Variants in TNC observed in about 807,000 individuals in gnomAD.
The protein encoded by TNC is tenascin C.
TNC carries 109 observed loss-of-function variants against 202.4 expected under a neutral mutation model. The observed-to-expected ratio is 0.54, with a 90% confidence interval of 0.46 to 0.63. TNC has a LOEUF of 0.63. TNC is among the 30% of genes least tolerant of loss of function. The pLI is 0.00. For synonymous variants in TNC, 1,007 were observed against 1,089.7 expected, an observed-to-expected ratio of 0.92 and a Z score of 1.50; for missense variants, 2,756 against 2,833.3, an observed-to-expected ratio of 0.97 and a Z score of 0.62.
In TNC at chr9:115,064,747, C is replaced by T. The variant is rs1310747230; in HGVS notation, c.3387G>A (p.Val1129=). ...TAGCAGCCTTGAGGCCCGGTATGTC[C>T]ACAGCCCGAAGGCTGCCAGGCACGG... ...NLTVPGSLRA[V]DIPGLKAATP... is the part of the protein sequence containing the mutation. The change falls in exon 11 of 28, where the codon GTG becomes GTA. Residue 1129 remains valine (V), a synonymous_variant. Transcript: ENST00000350763. 2 of 1,614,152 alleles carry T rather than the reference C, an allele frequency of 1.2e-6. No individual in the cohort carries two copies. Among genetic ancestry groups the T allele is most frequent in the African/African-American group, 1.3e-5 (1 of 75,024 alleles).
intron 1 of TNC, among the ~76,000 whole-genome samples, chr9:115,105,337 C>T (rs1263248333): frequency 6.6e-6 from 1 of 152,140 alleles, no homozygotes; most frequent in Non-Finnish European, 1.5e-5. Context: ...ACATTGATTG[C>T]ATATGTCGTC....
intron 9 of TNC, among the ~76,000 whole-genome samples, chr9:115,074,332 G>T (rs1833685234): frequency 6.6e-6 from 1 of 152,154 alleles, no homozygotes; most frequent in South Asian, 2.1e-4. Flanking sequence ...CCTTTGGGAG[G>T]CCTCATGAAT....
intron 2 of TNC, among the ~76,000 whole-genome samples, chr9:115,090,353 G>A (rs1835124270): frequency 6.6e-6 from 1 of 152,200 alleles, no homozygotes; most frequent in Non-Finnish European, 1.5e-5. Context: ...AAATTCCTCT[G>A]AGAAGCAGTT....
At chr9:115,111,399 CTTTTTT>C (rs71375272) in intron 1 of TNC, among the ~76,000 whole-genome samples, 38 of 71,362 alleles carry the variant, frequency 5.3e-4, no homozygotes, top group African/African-American at 1.1e-3. Flanking sequence ...CTCTCTCTCT[CTTTTTT>C]TTTTTTTTTT....
In TNC at chr9:115,040,977, C is replaced by G. The variant is rs1830686244; in HGVS notation, c.5356G>C (p.Glu1786Gln). Reference protein sequence around the residue: ...LVSIIAMKGFEESEPVSGSFT... With the variant: ...LVSIIAMKGFQESEPVSGSFT... ...GACCCTGAGACAGGTTCACTTTCCT[C>G]AAAGCCCTTCATGGCGATGATGCTG... Residue 1786 changes from glutamate to glutamine, a missense_variant, in exon 19 of 28, where the codon GAG becomes CAG. By Grantham distance (29) the Glu-to-Gln change is conservative. Around this residue, in one of 2 missense-constraint regions of TNC, gnomAD observed 2,559 missense variants for 2,546.0 expected, o/e 1.01. Transcript: ENST00000350763. 2 of 1,614,068 alleles carry G rather than the reference C, an allele frequency of 1.2e-6. No homozygotes were observed. The highest frequency in any genetic ancestry group is 1.7e-6 in the Non-Finnish European group (2 of 1,180,000).
intron 2 of TNC, among the ~76,000 whole-genome samples, chr9:115,089,978 C>A (rs1157910803): frequency 6.6e-6 from 1 of 152,164 alleles, no homozygotes; most frequent in Non-Finnish European, 1.5e-5. Flanking sequence ...ACAGAGGGAG[C>A]TTATATGATT....
Position 115,084,326 on chromosome 9 carries a change from C to T in TNC, c.2014G>A (p.Gly672Arg), listed in dbSNP as rs1834542358. 2 of 1,614,072 alleles carry T rather than the reference C, an allele frequency of 1.2e-6. No homozygotes were observed. The highest frequency in any genetic ancestry group is 3.3e-5 in the Admixed American group (2 of 60,010). The change falls in exon 4 of 28, where the codon GGG becomes AGG. Residue 672 changes from glycine (G) to arginine (R), a missense_variant. Physicochemically the swap from Gly to Arg is moderately radical, Grantham distance 125. Coordinates refer to ENST00000350763, the MANE Select transcript of TNC (RefSeq NM_002160.4). Reference protein sequence around the residue: ...GGLEMQFRVPGDQTSTIIQEL... With the variant: ...GGLEMQFRVPRDQTSTIIQEL... ...TGGATGATGGTGGACGTCTGGTCCCCAGGCACACGGAACTGCATTTCCAGA... is the reference window on the plus strand; with the variant it reads ...TGGATGATGGTGGACGTCTGGTCCCTAGGCACACGGAACTGCATTTCCAGA...
chr9:115,022,275 G>T (rs751081667), intron 27 of TNC, among the ~76,000 whole-genome samples: 1 of 152,238 alleles, frequency 6.6e-6, no homozygotes, highest in East Asian at 1.9e-4. Context: ...GGGCAAATCC[G>T]CTTGTAATTA....
At chr9:115,094,953 C>G (rs1835525047) in intron 1 of TNC, among the ~76,000 whole-genome samples, 1 of 151,610 alleles carries the variant, frequency 6.6e-6, no homozygotes, top group Non-Finnish European at 1.5e-5. Flanking sequence ...AAAGACTTTT[C>G]TAGTTGGAAT....
chr9:115,066,432 A>G (rs370638231), intron 10 of TNC, among the ~76,000 whole-genome samples: 9 of 152,332 alleles, frequency 5.9e-5, no homozygotes, highest in African/African-American at 2.2e-4. Flanking sequence ...TTATGTGTCC[A>G]TTAGAGCAGG....
At chr9:115,065,901 CAAAAA>C (rs35177151) in intron 10 of TNC, among the ~76,000 whole-genome samples, 1 of 46,674 alleles carries the variant, frequency 2.1e-5, no homozygotes, top group Non-Finnish European at 3.9e-5. Flanking sequence ...GACTCCATCT[CAAAAA>C]AAAAAAAAAA....
At chr9:115,033,733 A>G (rs1254895599) in intron 22 of TNC, among the ~76,000 whole-genome samples, 1 of 152,218 alleles carries the variant, frequency 6.6e-6, no homozygotes, top group Non-Finnish European at 1.5e-5. Context: ...AAAACCCACT[A>G]AAAAGAGAGC....
chr9:115,035,786 C>A, intron 21 of TNC: 1 of 314,362 alleles, frequency 3.2e-6, no homozygotes, highest in South Asian at 1.0e-4. Flanking sequence ...AAAATATTTT[C>A]CTGCCTGGAA....
intron 11 of TNC, among the ~76,000 whole-genome samples, 190 bp from the exon 12 acceptor site, chr9:115,064,258 TTTTG>T (rs1263550875): frequency 1.3e-5 from 2 of 152,198 alleles, no homozygotes; most frequent in African/African-American, 4.8e-5. Context: ...AAATATTTGT[TTTTG>T]TTTGTTTTTT....
chr9:115,063,716 T>C (rs1235058851), intron 12 of TNC, 80 bp downstream of exon 12: 3 of 1,476,860 alleles, frequency 2.0e-6, no homozygotes, highest in Non-Finnish European at 2.8e-6. Context: ...CTGATCCCAG[T>C]TTAAAGCAAG....
chr9:115,076,333 T>C (rs1013005332), intron 8 of TNC, 57 bp downstream of exon 8: 9 of 1,588,762 alleles, frequency 5.7e-6, no homozygotes, highest in Non-Finnish European at 7.7e-6. Flanking sequence ...CAGGTGCCCA[T>C]CCTTTAAGGG....
At chr9:115,057,535 G>A in intron 14 of TNC, 110 bp from the exon 15 acceptor site, 1 of 1,143,356 alleles carries the variant, frequency 8.7e-7, no homozygotes, top group Non-Finnish European at 1.2e-6. Context: ...AGAGAGATCT[G>A]ATAATTCAGG....
intron 1 of TNC, among the ~76,000 whole-genome samples, chr9:115,091,361 G>T (rs1835218969): frequency 6.6e-6 from 1 of 152,082 alleles, no homozygotes; most frequent in Non-Finnish European, 1.5e-5. Context: ...TTCAACTTCT[G>T]TAAATTTAAG....
chr9:115,026,157 G>T (rs1829461455), intron 26 of TNC, among the ~76,000 whole-genome samples: 1 of 152,132 alleles, frequency 6.6e-6, no homozygotes. Flanking sequence ...ATCGCCAGTG[G>T]GTCCATACAC....
Sources: allele counts gnomAD v4.1 joint callset (sites outside exome capture counted in the v4.1 genomes callset), GRCh38; gene constraint gnomAD v4.1.1; regional missense constraint gnomAD v4.1.1; transcripts MANE v1.5; gene names NCBI Gene and HGNC (gene_info 2026-07-23, HGNC 2026-07-21).